Variants in ZNF623 observed in about 807,000 individuals in gnomAD.
ZNF623 encodes the protein zinc finger protein 623.
ZNF623 carries 16 observed loss-of-function variants against 24.0 expected under a neutral mutation model. The observed-to-expected ratio is 0.67, with a 90% confidence interval of 0.45 to 1.01. The LOEUF is 1.01. ZNF623 is among the 50% of genes least tolerant of loss of function. The pLI is 0.00. For missense variants in ZNF623, 566 were observed against 606.5 expected (o/e 0.93, Z 0.70); for synonymous variants, 224 against 219.8 (o/e 1.02, Z -0.17).
chr8:143,649,566 T>G (rs1815246634), intron 1 of ZNF623: 1 of 371,520 alleles, frequency 2.7e-6, no homozygotes, highest in Admixed American at 4.2e-5. Flanking sequence ...TACGTTTGTT[T>G]AAAGTATCTG....
At chr8:143,644,657 A>G (rs945509884) in intron 1 of ZNF623, among the ~76,000 whole-genome samples, 61 of 152,206 alleles carry the variant, frequency 4.0e-4, no homozygotes, top group African/African-American at 1.4e-3. Context: ...TGGGAGGCCA[A>G]GGTGGCTGGA....
At chr8:143,646,550 T>C (rs1190366058) in intron 1 of ZNF623, among the ~76,000 whole-genome samples, 3 of 151,294 alleles carry the variant, frequency 2.0e-5, no homozygotes, top group Non-Finnish European at 4.4e-5. Flanking sequence ...TGTGTGCGTG[T>C]GTGTGTGTGT....
At chr8:143,637,625 C>A (rs1339684002) in intron 1 of ZNF623, among the ~76,000 whole-genome samples, 1 of 152,202 alleles carries the variant, frequency 6.6e-6, no homozygotes, top group Non-Finnish European at 1.5e-5. Context: ...TCTCGGCTCA[C>A]TGCACCCCCT....
At chr8:143,643,193 T>C (rs996571259) in intron 1 of ZNF623, among the ~76,000 whole-genome samples, 1 of 152,216 alleles carries the variant, frequency 6.6e-6, no homozygotes, top group African/African-American at 2.4e-5. Flanking sequence ...TTCTTAGTCC[T>C]ACAGTTGCAG....
In ZNF623 at chr8:143,651,353, G is replaced by A. The variant is rs191142778; in HGVS notation, c.1361G>A (p.Arg454Lys). 961 of 1,614,200 alleles carry A rather than the reference G, an allele frequency of 6.0e-4. 7 individuals are homozygous for A. Among genetic ancestry groups the A allele is most frequent in the Non-Finnish European group, 3.2e-5 (38 of 1,180,040 alleles). Residue 454 changes from arginine (R) to lysine (K), a missense_variant, in exon 2 of 2, where the codon AGA becomes AAA. Arg to Lys is a conservative substitution (Grantham distance 26). Coordinates refer to ENST00000526926, the MANE Select transcript of ZNF623 (RefSeq NM_001261843.2). ...EKLYECSQYG[R>K]DFNSTTNVKN... ...CTCTATGAATGTAGTCAGTATGGGA[G>A]AGATTTTAACTCAACTACAAACGTT...
chr8:143,649,570 G>T, intron 1 of ZNF623: 1 of 384,280 alleles, frequency 2.6e-6, no homozygotes, highest in South Asian at 6.0e-5. Flanking sequence ...TTTGTTTAAA[G>T]TATCTGTCTC....
At chr8:143,639,472 C>T (rs1287174452) in intron 1 of ZNF623, among the ~76,000 whole-genome samples, 2 of 152,218 alleles carry the variant, frequency 1.3e-5, no homozygotes, top group Non-Finnish European at 1.5e-5. Context: ...GATGTGCCTG[C>T]CTAGGCCTCC....
At chr8:143,645,674 G>A (rs1006149851) in intron 1 of ZNF623, among the ~76,000 whole-genome samples, 4 of 152,082 alleles carry the variant, frequency 2.6e-5, no homozygotes, top group Admixed American at 6.5e-5. Flanking sequence ...CCCCACGGCC[G>A]CCTGCTTTCC....
At chr8:143,640,833 C>G (rs951675528) in intron 1 of ZNF623, among the ~76,000 whole-genome samples, 1 of 151,030 alleles carries the variant, frequency 6.6e-6, no homozygotes, top group African/African-American at 2.4e-5. Flanking sequence ...CCCAGCTACT[C>G]AGGAGGCTGA....
chr8:143,637,382 ACT>A lies in ZNF623; in HGVS notation c.-96+1240_-96+1241del, dbSNP rs1448191298. On this transcript the variant is annotated intron_variant, in intron 1 of 1. Coordinates refer to ENST00000526926, the MANE Select transcript of ZNF623 (RefSeq NM_001261843.2). ...TTCAGGCTGTAAGCAACACACAGTG[ACT>A]CTGGCTGGGAGCTTGAGGCTGGAAT... is the stretch of plus-strand genomic sequence containing the variant. Among the ~76,000 whole-genome samples the A allele has an allele frequency of 4.6e-5, 7 of 152,086 alleles. No individual in the cohort carries two copies. In the East Asian group the frequency reaches 1.4e-3, roughly 29 times the overall value.
chr8:143,638,426 G>A (rs1814973467), intron 1 of ZNF623, among the ~76,000 whole-genome samples: 1 of 151,424 alleles, frequency 6.6e-6, no homozygotes, highest in Non-Finnish European at 1.5e-5. Context: ...ATATGTTCTT[G>A]TAAACAGAAA....
intron 1 of ZNF623, among the ~76,000 whole-genome samples, chr8:143,646,356 T>C (rs1249912071): frequency 6.6e-6 from 1 of 152,216 alleles, no homozygotes; most frequent in African/African-American, 2.4e-5. Context: ...TACCTTGTAT[T>C]GAGTGTATTA....
intron 1 of ZNF623, among the ~76,000 whole-genome samples, chr8:143,646,031 T>C (rs190990380): frequency 2.0e-4 from 30 of 152,256 alleles, no homozygotes; most frequent in Non-Finnish European, 3.7e-4. Context: ...TGTTTAATAC[T>C]AGAAGTGTTG....
chr8:143,639,965 T>G (rs192725115), intron 1 of ZNF623, among the ~76,000 whole-genome samples: 2 of 152,242 alleles, frequency 1.3e-5, no homozygotes, highest in African/African-American at 4.8e-5. Context: ...TATGGGGCAG[T>G]CATTAGTAAT....
At chr8:143,647,027 TCA>T (rs1342573646) in intron 1 of ZNF623, among the ~76,000 whole-genome samples, 1 of 152,146 alleles carries the variant, frequency 6.6e-6, no homozygotes, top group African/African-American at 2.4e-5. Context: ...TAAAATTGTG[TCA>T]CATCTCGCAG....
intron 1 of ZNF623, among the ~76,000 whole-genome samples, chr8:143,639,731 G>T (rs1018730006): frequency 6.6e-6 from 1 of 152,190 alleles, no homozygotes; most frequent in African/African-American, 2.4e-5. Flanking sequence ...TAAGACGTAG[G>T]TTAAAGTTGC....
rs2131461966 is a variant in ZNF623 at position 143,652,229 on chromosome 8, T to C, written c.*746T>C. 1 of 167,266 alleles carries C rather than the reference T, an allele frequency of 6.0e-6. No individual in the cohort carries two copies. The highest frequency in any genetic ancestry group is 1.9e-4 in the East Asian group (1 of 5,196). 10.4% of individuals were successfully genotyped at this position (167,266 alleles called of 1,614,324 possible). A position where few individuals can be genotyped will look rare whatever the true frequency, so the allele number is the denominator to read the frequency against. On this transcript the variant is annotated 3_prime_UTR_variant, in exon 2 of 2. Coordinates refer to ENST00000526926, the MANE Select transcript of ZNF623 (RefSeq NM_001261843.2). ...ACTTCTGTGGCTCAGTGATTACTGC[T>C]ATTACTATATTTACTTGCATATGTC...
Position 143,650,093 on chromosome 8 carries a change from A to G in ZNF623, c.101A>G (p.Gln34Arg), listed in dbSNP as rs1402758026. 4 of 1,614,046 alleles carry G rather than the reference A, an allele frequency of 2.5e-6. No individual in the cohort carries two copies. The highest frequency in any genetic ancestry group is 1.3e-5 in the African/African-American group (1 of 74,926). ...CAGAGCCTGGGGAGTTCCCCCTCTCAGGACAGGGGCTGCAAGCAGGTGACA... is the reference window on the plus strand; with the variant it reads ...CAGAGCCTGGGGAGTTCCCCCTCTCGGGACAGGGGCTGCAAGCAGGTGACA... ...EGQSLGSSPS[Q>R]DRGCKQVTVT... Residue 34 changes from glutamine (Q) to arginine (R), a missense_variant, in exon 2 of 2, where the codon CAG becomes CGG. Coordinates refer to ENST00000526926, the MANE Select transcript of ZNF623 (RefSeq NM_001261843.2). The surrounding 1 kb of genome is among the most constrained non-coding windows in gnomAD (Gnocchi z 5.2).
In ZNF623 at chr8:143,651,312, T is replaced by A; in HGVS notation, c.1320T>A (p.Ile440=). 6.2e-7 allele frequency: 1 copy of A among 1,614,162 alleles called. No homozygotes were observed. The highest frequency in any genetic ancestry group is 8.5e-7 in the Non-Finnish European group (1 of 1,180,032). ...QRSNFLQHQK[I]HTEEKLYECS... The stretch of plus-strand genomic sequence containing the variant: ...CAAACTTCCTTCAACACCAGAAAAT[T>A]CATACTGAAGAGAAGCTCTATGAAT... Residue 440 remains isoleucine, a synonymous_variant, in exon 2 of 2, where the codon ATT becomes ATA. Coordinates refer to ENST00000526926, the MANE Select transcript of ZNF623 (RefSeq NM_001261843.2).
Sources: allele counts gnomAD v4.1 joint callset (sites outside exome capture counted in the v4.1 genomes callset), GRCh38; gene constraint gnomAD v4.1.1; non-coding constraint Gnocchi (gnomAD v3.1); transcripts MANE v1.5; gene names NCBI Gene and HGNC (gene_info 2026-07-23, HGNC 2026-07-21).